The following WDR86 variants were observed in gnomAD, a reference collection of about 807,000 sequenced individuals.
WDR86 encodes the protein WD repeat domain 86, also known as WD repeat-containing protein 86.
Under a neutral mutation model 36.5 loss-of-function variants are expected in WDR86, and 30 were observed. The observed-to-expected ratio is 0.82, with a 90% CI of 0.61 to 1.11. WDR86 has a LOEUF of 1.11. Among genes scored for constraint, WDR86 ranks in the 50% most tolerant of loss-of-function variants. The probability of loss-of-function intolerance (pLI) is 0.00; values close to 1 mark genes in which losing one functional copy is unlikely to be tolerated. For synonymous variants in WDR86, 255 were observed against 252.9 expected (o/e 1.01, Z -0.08); for missense variants, 545 against 561.2 (o/e 0.97, Z 0.29).
chr7:151,391,333 G>A (rs772312895), intron 3 of WDR86, among the ~76,000 whole-genome samples: 12 of 152,198 alleles, frequency 7.9e-5, no homozygotes, highest in Middle Eastern at 3.2e-3. Context: ...CCCCCTCTGC[G>A]TTTAGGACAG....
intron 1 of WDR86, among the ~76,000 whole-genome samples, chr7:151,402,070 A>AAT (rs748373598): frequency 0.025 from 1,276 of 50,372 alleles, 124 homozygotes; most frequent in African/African-American, 0.072. Context: ...AAAAAAAAAA[A>AAT]ATATATATAT....
At chr7:151,378,025 T>G (rs1318253870), downstream of WDR86, 1 of 152,282 alleles carries the variant, frequency 6.6e-6, no homozygotes, top group Non-Finnish European at 1.5e-5. Flanking sequence ...AAGAGACCTA[T>G]CAGAGATTTA....
intron 3 of WDR86, among the ~76,000 whole-genome samples, chr7:151,387,993 G>A (rs1020157910): frequency 2.0e-5 from 3 of 152,242 alleles, no homozygotes; most frequent in Admixed American, 6.5e-5. Flanking sequence ...ACTGCTGTGC[G>A]CCACACGCAG....
At chr7:151,393,089 T>C (rs1362414409) in intron 3 of WDR86, among the ~76,000 whole-genome samples, 1 of 152,208 alleles carries the variant, frequency 6.6e-6, no homozygotes, top group Admixed American at 6.5e-5. Context: ...GCACAGTCCA[T>C]AGCCAGAGCC....
chr7:151,386,009 A>G (rs900037214), intron 3 of WDR86, among the ~76,000 whole-genome samples: 16 of 152,158 alleles, frequency 1.1e-4, no homozygotes, highest in Admixed American at 3.3e-4. Context: ...CGGGCTCCAC[A>G]GCTGCAGTGA....
At chr7:151,408,908 C>T (rs747850886) in intron 1 of WDR86, 2 of 471,336 alleles carry the variant, frequency 4.2e-6, no homozygotes, top group South Asian at 3.1e-5. Flanking sequence ...CCTGTTTCCA[C>T]GTCTGTATGT....
Position 151,406,325 on chromosome 7 carries a change from G to A in WDR86, c.163+3102C>T, listed in dbSNP as rs1031784280. 7.2e-5 allele frequency among the ~76,000 whole-genome samples: 11 copies of A among 152,118 alleles called. No homozygotes were observed. The East Asian group carries it at 2.1e-3, about 29-fold the overall frequency. ...TGGCCCAAACTTTCCTAAGCTCTGCGAGACACCCAGGAAAGCCTGCGGTCC... is the reference window on the plus strand; with the variant it reads ...TGGCCCAAACTTTCCTAAGCTCTGCAAGACACCCAGGAAAGCCTGCGGTCC... On this transcript the variant is annotated intron_variant, in intron 1 of 5. Transcript: ENST00000334493. This position sits in a 1 kb window ranked among gnomAD's most constrained non-coding sequence, Gnocchi z 4.4.
At position 151,400,256 on chromosome 7, in the gene WDR86, C is replaced by G; in HGVS notation, c.164-15G>C. 1 of 1,588,292 alleles carries G rather than the reference C, an allele frequency of 6.3e-7. No homozygotes were observed. The highest frequency in any genetic ancestry group is 8.6e-7 in the Non-Finnish European group (1 of 1,165,734). On this transcript the variant is annotated splice_polypyrimidine_tract_variant and intron_variant, in intron 1 of 5. Transcript: ENST00000334493. ...GCTTTCATGTCCTGCAGATGAGGGA[C>G]AGGGGAGATGTGAGCGTACTGGGGA...
downstream of WDR86, among the ~76,000 whole-genome samples, chr7:151,380,696 C>T (rs1413091150): frequency 3.9e-5 from 6 of 152,012 alleles, no homozygotes; most frequent in Non-Finnish European, 7.4e-5. Context: ...CTTGGGTGCC[C>T]GGTGGCTCTG....
At chr7:151,393,824 A>T (rs969978216) in intron 3 of WDR86, among the ~76,000 whole-genome samples, 2 of 152,148 alleles carry the variant, frequency 1.3e-5, no homozygotes, top group African/African-American at 4.8e-5. Context: ...CTGGGAGACT[A>T]GAAGAGCTGT....
downstream of WDR86, chr7:151,376,988 GCA>G: frequency 6.9e-7 from 1 of 1,450,960 alleles, no homozygotes; most frequent in Middle Eastern, 1.8e-4. Context: ...CTGTGGTCGT[GCA>G]GTGTCCCCAG....
intron 3 of WDR86, among the ~76,000 whole-genome samples, chr7:151,395,405 A>G (rs1799738249): frequency 6.6e-6 from 1 of 151,956 alleles, no homozygotes. Flanking sequence ...TTTTTGAAAG[A>G]GGGTCTTTAA....
At chr7:151,386,399 A>C (rs1019870471) in intron 3 of WDR86, among the ~76,000 whole-genome samples, 1 of 152,184 alleles carries the variant, frequency 6.6e-6, no homozygotes, top group Admixed American at 6.5e-5. Flanking sequence ...CGAGGAGCAC[A>C]ATGTGGCCTC....
At chr7:151,396,260 C>T in intron 2 of WDR86, 64 bp from the exon 3 acceptor site, 7 of 1,568,144 alleles carry the variant, frequency 4.5e-6, no homozygotes, top group South Asian at 1.1e-5. Context: ...ACACAGCCTC[C>T]CGACATGCCA....
At chr7:151,408,830 T>C (rs35783364) in intron 1 of WDR86, 71,279 of 455,172 alleles carry the variant, frequency 0.16, 8,096 homozygotes, top group East Asian at 0.5. Flanking sequence ...TTTACAGCAA[T>C]GAGAGGGCTC....
chr7:151,403,966 C>T (rs190134158), intron 1 of WDR86, among the ~76,000 whole-genome samples: 22 of 152,320 alleles, frequency 1.4e-4, no homozygotes, highest in African/African-American at 4.8e-4. Context: ...CGACGCATCT[C>T]AGCCCCAGGA....
At chr7:151,379,605 G>A (rs976606580), downstream of WDR86, among the ~76,000 whole-genome samples, 3 of 152,120 alleles carry the variant, frequency 2.0e-5, no homozygotes, top group South Asian at 6.2e-4. Flanking sequence ...TGGACATCTG[G>A]CCATCTTTAT....
At chr7:151,370,358 G>A in the WDR86 span, among the ~76,000 whole-genome samples, 1 of 152,078 alleles carries the variant, frequency 6.6e-6, no homozygotes, top group African/African-American at 2.4e-5. Flanking sequence ...CAAAGTGCTG[G>A]GATCACAGGT....
intron 3 of WDR86, among the ~76,000 whole-genome samples, chr7:151,389,745 G>C (rs758584738): frequency 2.6e-5 from 4 of 152,218 alleles, no homozygotes; most frequent in Non-Finnish European, 5.9e-5. Context: ...ACGCCTGGAA[G>C]TGAGCATGAG....
Sources: allele counts gnomAD v4.1 joint callset (sites outside exome capture counted in the v4.1 genomes callset), GRCh38; gene constraint gnomAD v4.1.1; non-coding constraint Gnocchi (gnomAD v3.1); transcripts MANE v1.5; gene names NCBI Gene and HGNC (gene_info 2026-07-23, HGNC 2026-07-21).